Variants in EVI5 observed in about 807,000 individuals in gnomAD.
EVI5 encodes ecotropic viral integration site 5 protein homolog.
EVI5 carries 73 observed loss-of-function variants against 112.0 expected under a neutral mutation model. That is an observed-to-expected ratio of 0.65 (90% CI 0.54 to 0.79). The LOEUF is 0.79. Among genes scored for constraint, EVI5 ranks in the 30% least tolerant of loss-of-function variants. The pLI is 0.00. For synonymous variants in EVI5, 305 were observed against 319.9 expected (o/e 0.95, Z 0.50); for missense variants, 900 against 968.8 (o/e 0.93, Z 0.94).
At chr1:92,651,791 C>T (rs1033056551) in intron 13 of EVI5, among the ~76,000 whole-genome samples, 1 of 140,040 alleles carries the variant, frequency 7.1e-6, no homozygotes, top group South Asian at 2.3e-4. Flanking sequence ...GCGGAGCTTG[C>T]AGTGAGCCGA....
intron 18 of EVI5, among the ~76,000 whole-genome samples, chr1:92,589,749 A>T (rs900909632): frequency 2.0e-5 from 3 of 152,202 alleles, no homozygotes; most frequent in Admixed American, 6.5e-5. Context: ...TCCCTGTCTG[A>T]CAGCTTTGAA....
rs1213452469 is a variant in EVI5, at chr1:92,595,059, C to T, written c.2070+10248G>A. Among the ~76,000 whole-genome samples, 125 of 151,592 alleles carry T rather than the reference C, an allele frequency of 8.2e-4. No homozygotes were observed. In the South Asian group the frequency reaches 0.015, roughly 19 times the overall value. On this transcript the variant is annotated intron_variant, in intron 18 of 19. Coordinates refer to ENST00000684568, the MANE Select transcript of EVI5 (RefSeq NM_001350197.2). ...ATACCATTTGACCCAGCCATCCCAT[C>T]ACTGGGTATATACCCAAAGGATTAT...
At chr1:92,532,753 C>T (rs923473245) in intron 19 of EVI5, among the ~76,000 whole-genome samples, 2 of 152,102 alleles carry the variant, frequency 1.3e-5, no homozygotes, top group African/African-American at 2.4e-5. Context: ...CAAAGACACA[C>T]GTACCAGAAT....
In EVI5 at chr1:92,759,370, A is replaced by T. The variant is rs184139017; in HGVS notation, c.-81-22743T>A. On this transcript the variant is annotated intron_variant, in intron 1 of 19. Coordinates refer to ENST00000684568, the MANE Select transcript of EVI5 (RefSeq NM_001350197.2). Reference sequence around the variant, plus strand: ...ACTTTTTTTGAAAAAATGATGGAGCATGAACAATATATAGAGAGACACCTA... The same window carrying T: ...ACTTTTTTTGAAAAAATGATGGAGCTTGAACAATATATAGAGAGACACCTA... Among the ~76,000 whole-genome samples the T allele has an allele frequency of 2.0e-5, 3 of 152,356 alleles. No homozygotes were observed. In the East Asian group the frequency reaches 5.8e-4, roughly 29 times the overall value.
chr1:92,768,504 T>C (rs1682965349), intron 1 of EVI5, among the ~76,000 whole-genome samples: 1 of 152,236 alleles, frequency 6.6e-6, no homozygotes, highest in South Asian at 2.1e-4. Flanking sequence ...CTTTGGACTC[T>C]CCTAGAGCTC....
intron 17 of EVI5, among the ~76,000 whole-genome samples, chr1:92,606,374 A>G (rs948405051): frequency 2.0e-5 from 3 of 152,234 alleles, no homozygotes; most frequent in Admixed American, 6.5e-5. Flanking sequence ...AACACCAATA[A>G]TAAATAAAAG....
intron 2 of EVI5, among the ~76,000 whole-genome samples, chr1:92,728,624 G>A (rs531316513): frequency 2.8e-4 from 43 of 152,252 alleles, no homozygotes; most frequent in African/African-American, 9.4e-4. Flanking sequence ...CTGATCTCAG[G>A]TGATCCGCCC....
chr1:92,659,625 T>A (rs1663630458), intron 13 of EVI5, among the ~76,000 whole-genome samples: 1 of 152,084 alleles, frequency 6.6e-6, no homozygotes, highest in South Asian at 2.1e-4. Flanking sequence ...GGAGGACACA[T>A]ATACACTACT....
intron 2 of EVI5, among the ~76,000 whole-genome samples, chr1:92,721,111 C>A (rs1674681200): frequency 6.6e-6 from 1 of 152,232 alleles, no homozygotes; most frequent in Non-Finnish European, 1.5e-5. Context: ...TTGTGGAAGA[C>A]AGTGTGGCAA....
intron 1 of EVI5, among the ~76,000 whole-genome samples, chr1:92,750,628 T>C (rs1186806551): frequency 1.3e-5 from 2 of 152,188 alleles, no homozygotes; most frequent in African/African-American, 2.4e-5. Flanking sequence ...GTAGAATTCC[T>C]GACCCTCCTT....
At chr1:92,726,290 G>C (rs906938870) in intron 2 of EVI5, among the ~76,000 whole-genome samples, 1 of 152,072 alleles carries the variant, frequency 6.6e-6, no homozygotes, top group African/African-American at 2.4e-5. Context: ...ATAAAGCAGA[G>C]AAAAGAGACA....
At chr1:92,638,564 C>G (rs1237199162) in intron 13 of EVI5, among the ~76,000 whole-genome samples, 1 of 152,100 alleles carries the variant, frequency 6.6e-6, no homozygotes, top group Non-Finnish European at 1.5e-5. Context: ...CTATTTTCCA[C>G]AGGGGGAAAA....
chr1:92,750,842 T>C (rs900612399), intron 1 of EVI5, among the ~76,000 whole-genome samples: 7 of 152,160 alleles, frequency 4.6e-5, no homozygotes, highest in Admixed American at 4.6e-4. Flanking sequence ...CATTCCATTA[T>C]CCCTATGTAA....
intron 16 of EVI5, among the ~76,000 whole-genome samples, chr1:92,610,659 G>C (rs1177944257): frequency 6.6e-6 from 1 of 152,080 alleles, no homozygotes; most frequent in Non-Finnish European, 1.5e-5. Context: ...TACAGCCACT[G>C]AATTCAATGA....
chr1:92,636,137 G>A, intron 14 of EVI5, 65 bp downstream of exon 14: 1 of 1,330,252 alleles, frequency 7.5e-7, no homozygotes, highest in Non-Finnish European at 1.1e-6. Context: ...TGCTCAGTAA[G>A]TACTTAATAA....
At chr1:92,588,780 T>C (rs1367054472) in intron 18 of EVI5, among the ~76,000 whole-genome samples, 1 of 152,264 alleles carries the variant, frequency 6.6e-6, no homozygotes, top group Non-Finnish European at 1.5e-5. Context: ...ATTAGAAACT[T>C]AATCTGTTCT....
intron 1 of EVI5, among the ~76,000 whole-genome samples, chr1:92,769,345 T>C (rs115377050): frequency 0.019 from 2,894 of 152,334 alleles, 106 homozygotes; most frequent in African/African-American, 0.065. Context: ...TAGGTATATA[T>C]GTAATGTTTT....
At chr1:92,771,592 A>G (rs1241209536) in intron 1 of EVI5, among the ~76,000 whole-genome samples, 5 of 137,464 alleles carry the variant, frequency 3.6e-5, no homozygotes, top group Non-Finnish European at 7.7e-5. Context: ...GATAAGGAAT[A>G]TATCAATTTT....
intron 13 of EVI5, among the ~76,000 whole-genome samples, chr1:92,658,312 GT>G (rs1277997620): frequency 6.6e-6 from 1 of 152,168 alleles, no homozygotes; most frequent in African/African-American, 2.4e-5. Flanking sequence ...GTTTGCTGAT[GT>G]TATGATCTTA....
Sources: allele counts gnomAD v4.1 joint callset (sites outside exome capture counted in the v4.1 genomes callset), GRCh38; gene constraint gnomAD v4.1.1; transcripts MANE v1.5; gene names NCBI Gene and HGNC (gene_info 2026-07-23, HGNC 2026-07-21).